Variants in RAP1GAP observed in about 807,000 individuals in gnomAD.
The protein encoded by RAP1GAP is rap1 GTPase-activating protein 1.
A neutral mutation model predicts 87.2 loss-of-function variants in RAP1GAP; 35 were observed. That is an observed-to-expected ratio of 0.40 (90% CI 0.31 to 0.53). RAP1GAP has a LOEUF of 0.53. Among genes scored for constraint, RAP1GAP ranks in the 20% least tolerant of loss-of-function variants. RAP1GAP has a pLI of 0.48. For missense variants in RAP1GAP, 734 were observed against 898.9 expected (o/e 0.82, Z 2.35); for synonymous variants, 375 against 363.9 (o/e 1.03, Z -0.35).
rs1436685959 is a variant in RAP1GAP, at chr1:21,603,108, C to T, written c.1429-195G>A. ...AAACAGTCCCCAGGAGGGCAAGGGG[C>T]TCTCCCGAGCTCACACGGCAGGACT... On this transcript the variant is annotated intron_variant, in intron 18 of 24. Transcript: ENST00000374765. This position sits in a 1 kb window ranked among gnomAD's most constrained non-coding sequence, Gnocchi z 6.0. The T allele has an allele frequency of 7.0e-6, 4 of 568,616 alleles. No homozygotes were observed. The highest frequency in any genetic ancestry group is 3.1e-5 in the Admixed American group (1 of 32,694). 35.2% of individuals were successfully genotyped at this position (568,616 alleles called of 1,614,324 possible). A position where few individuals can be genotyped will look rare whatever the true frequency, so the allele number is the denominator to read the frequency against.
intron 2 of RAP1GAP, among the ~76,000 whole-genome samples, chr1:21,633,945 A>G (rs976084274): frequency 6.6e-6 from 1 of 151,714 alleles, no homozygotes. Context: ...GCTCCTTTGG[A>G]TGAGGGCTGG....
Position 21,622,254 on chromosome 1 carries a change from G to T in RAP1GAP, c.-18-2204C>A. On this transcript the variant is annotated intron_variant, in intron 3 of 24. Coordinates refer to ENST00000374765, the MANE Select transcript of RAP1GAP (RefSeq NM_002885.4). This position sits in a 1 kb window ranked among gnomAD's most constrained non-coding sequence, Gnocchi z 5.7. The stretch of plus-strand genomic sequence containing the variant: ...GGAGCCTTGTCCGCCCGCCCTGGCT[G>T]GGGCAGAGCCGGCCGGGCTCCCCAG... The T allele has an allele frequency of 2.5e-6, 1 of 398,542 alleles. No individual in the cohort carries two copies. Among genetic ancestry groups the T allele is most frequent in the South Asian group, 4.4e-5 (1 of 22,604 alleles). The allele number at this position is 398,542 out of a possible 1,614,324, so 24.7% of individuals were successfully genotyped here.
At chr1:21,620,152 G>A in intron 3 of RAP1GAP, 102 bp from the exon 4 acceptor site, 2 of 1,254,700 alleles carry the variant, frequency 1.6e-6, no homozygotes, top group Non-Finnish European at 2.3e-6. Flanking sequence ...TCTGATCAGT[G>A]ACCGAGGCAC....
chr1:21,604,540 T>C (rs1214016418), intron 18 of RAP1GAP, among the ~76,000 whole-genome samples: 1 of 152,106 alleles, frequency 6.6e-6, no homozygotes, highest in African/African-American at 2.4e-5. Flanking sequence ...TGGGTGCTGC[T>C]GGCCTGGTCC....
chr1:21,637,641 C>T (rs10917029), intron 2 of RAP1GAP, among the ~76,000 whole-genome samples: 32,968 of 151,858 alleles, frequency 0.22, 4,560 homozygotes, highest in African/African-American at 0.38. Flanking sequence ...GGTTTGCAAC[C>T]GCAAACATCT....
chr1:21,650,962 T>TGG (rs1262163217), intron 1 of RAP1GAP, among the ~76,000 whole-genome samples: 1 of 152,130 alleles, frequency 6.6e-6, no homozygotes, highest in Non-Finnish European at 1.5e-5. Flanking sequence ...CACCCCAAGG[T>TGG]GGGTCCCATG....
rs115345948 is a variant in RAP1GAP, at chr1:21,657,400, G to T, written c.-148-7604C>A. On this transcript the variant is annotated intron_variant, in intron 1 of 24. Transcript: ENST00000374765. ...TCCTTACTCAAATCACATTATTTAT[G>T]TTCATACAATATACACAGACAGATG... Among the ~76,000 whole-genome samples, 764 of 152,350 alleles carry T rather than the reference G, an allele frequency of 5.0e-3. 7 individuals are homozygous for T. The highest frequency in any genetic ancestry group is 0.017 in the African/African-American group (699 of 41,570).
At chr1:21,606,031 A>C in intron 18 of RAP1GAP, 35 bp downstream of exon 18, 6 of 1,550,718 alleles carry the variant, frequency 3.9e-6, no homozygotes, top group Non-Finnish European at 5.2e-6. Flanking sequence ...CCCCCCAGGG[A>C]GGGGCCGGGG....
Position 21,622,443 on chromosome 1 carries a change from G to A in RAP1GAP, c.-18-2393C>T. 1 of 241,606 alleles carries A rather than the reference G, an allele frequency of 4.1e-6. No homozygotes were observed. Among genetic ancestry groups the A allele is most frequent in the Non-Finnish European group, 7.8e-6 (1 of 127,608 alleles). The allele number at this position is 241,606 out of a possible 1,614,324, so 15.0% of individuals were successfully genotyped here. A position where few individuals can be genotyped will look rare whatever the true frequency, so the allele number is the denominator to read the frequency against. The stretch of plus-strand genomic sequence containing the variant: ...AGCGCGGCCCGGCCCGGCCCCCGCC[G>A]GGGCGGCACTTCAGCTGGCCCAGCC... On this transcript the variant is annotated intron_variant, in intron 3 of 24. Transcript: ENST00000374765. The surrounding 1 kb of genome is among the most constrained non-coding windows in gnomAD (Gnocchi z 5.7).
At chr1:21,600,801 C>T (rs1276718471) in intron 20 of RAP1GAP, among the ~76,000 whole-genome samples, 3 of 138,916 alleles carry the variant, frequency 2.2e-5, no homozygotes, top group Non-Finnish European at 3.0e-5. Flanking sequence ...AGGAGAATGG[C>T]GTGAACCCGG....
At chr1:21,614,755 G>A (rs2080914077) in intron 7 of RAP1GAP, among the ~76,000 whole-genome samples, 2 of 152,142 alleles carry the variant, frequency 1.3e-5, no homozygotes, top group Admixed American at 6.5e-5. Flanking sequence ...TCCGGGTGGG[G>A]AAGTCCCAAA....
At position 21,666,611 on chromosome 1, in the gene RAP1GAP, AG is replaced by A. The variant is rs749006577; in HGVS notation, c.-149+2642del. 2.0e-5 allele frequency among the ~76,000 whole-genome samples: 3 copies of A among 152,004 alleles called. No homozygotes were observed. In the South Asian group the frequency reaches 6.2e-4, roughly 32 times the overall value. ...GGTCCACATGAATCAGAAAAGAGGG[AG>A]GAAGGGGAGGCTTTGCTGGGGACGG... On this transcript the variant is annotated intron_variant, in intron 1 of 24. Coordinates refer to ENST00000374765, the MANE Select transcript of RAP1GAP (RefSeq NM_002885.4).
chr1:21,662,845 A>G (rs1012639336), intron 1 of RAP1GAP, among the ~76,000 whole-genome samples: 2 of 152,272 alleles, frequency 1.3e-5, no homozygotes, highest in East Asian at 3.9e-4. Flanking sequence ...AACCTCTCTG[A>G]GCCCTTGAGG....
At chr1:21,665,556 A>T (rs2097314049) in intron 1 of RAP1GAP, among the ~76,000 whole-genome samples, 1 of 152,348 alleles carries the variant, frequency 6.6e-6, no homozygotes, top group East Asian at 1.9e-4. Flanking sequence ...GCAGTAGGAA[A>T]GGCTGGAATC....
chr1:21,658,099 T>C (rs2096936336), intron 1 of RAP1GAP, among the ~76,000 whole-genome samples: 1 of 152,186 alleles, frequency 6.6e-6, no homozygotes, highest in African/African-American at 2.4e-5. Context: ...TCAGATATCC[T>C]CCTAGATATT....
intron 2 of RAP1GAP, 81 bp from the exon 3 acceptor site, chr1:21,626,478 G>C: frequency 8.6e-7 from 1 of 1,168,564 alleles, no homozygotes; most frequent in East Asian, 2.3e-5. Context: ...TCTCAGAGCT[G>C]GGGGATGTGA....
At chr1:21,612,344 C>T (rs1048459636) in intron 10 of RAP1GAP, among the ~76,000 whole-genome samples, 12 of 152,222 alleles carry the variant, frequency 7.9e-5, no homozygotes, top group African/African-American at 2.2e-4. Flanking sequence ...GGGATTTGAC[C>T]CCAGGTCTGT....
Position 21,656,452 on chromosome 1 carries a change from A to C in RAP1GAP, c.-148-6656T>G, listed in dbSNP as rs959232707. On this transcript the variant is annotated intron_variant, in intron 1 of 24. Transcript: ENST00000374765. ...AAAAAAAAAAAAAAAAAAAAAAAAA[A>C]AAGACCTAACAACGGAAAGATACAT... Among the ~76,000 whole-genome samples the C allele has an allele frequency of 2.7e-5, 4 of 149,526 alleles. No homozygotes were observed. In the South Asian group the frequency reaches 6.4e-4, roughly 24 times the overall value.
intron 5 of RAP1GAP, among the ~76,000 whole-genome samples, chr1:21,618,232 C>G (rs573411328): frequency 6.6e-6 from 1 of 152,166 alleles, no homozygotes; most frequent in African/African-American, 2.4e-5. Context: ...CTTGCTGCAC[C>G]CCACCCTAGA....
Sources: gnomAD v4.1 joint callset for allele counts (sites outside exome capture counted in the v4.1 genomes callset) on GRCh38, gnomAD v4.1.1 for gene constraint, Gnocchi (gnomAD v3.1) non-coding constraint, MANE v1.5 for transcripts, NCBI Gene and HGNC (gene_info 2026-07-23, HGNC 2026-07-21) for gene names.